The following ARMCX5 variants were observed in gnomAD, a reference collection of about 807,000 sequenced individuals.
The protein encoded by ARMCX5 is armadillo repeat-containing X-linked protein 5.
A neutral mutation model predicts 7.5 loss-of-function variants in ARMCX5; 1 was observed. The ratio of observed to expected loss-of-function variants is 0.13; its 90% confidence interval spans 0.05 to 0.63. The LOEUF is 0.63. ARMCX5 is among the 30% of genes least tolerant of loss of function. ARMCX5 has a pLI of 0.86. For missense variants in ARMCX5, 346 were observed against 402.2 expected, an observed-to-expected ratio of 0.86 and a Z score of 1.19; for synonymous variants, 149 against 145.7, an observed-to-expected ratio of 1.02 and a Z score of -0.16.
rs201641747 is a variant in ARMCX5, at chrX:102,602,630, T to G, written c.489T>G (p.Ser163Arg). Reference protein sequence around the residue: ...REETSIGMKSSDEDEENICSW... With the variant: ...REETSIGMKSRDEDEENICSW... ...AGACCAGCATTGGGATGAAATCCAG[T>G]GATGAGGATGAAGAAAATATATGCT... Residue 163 changes from serine (S) to arginine (R), a missense_variant, in exon 4 of 4, where the codon AGT becomes AGG. By Grantham distance (110) the Ser-to-Arg change is moderately radical. This residue lies in a region of ARMCX5 where 204 missense variants were observed against 244.3 expected (regional missense o/e 0.83). Transcript: ENST00000473968. 3.5e-4 allele frequency: 427 copies of G among 1,208,158 alleles called. No homozygotes were observed. The highest frequency in any genetic ancestry group is 4.6e-4 in the Non-Finnish European group (409 of 894,068).
Position 102,602,073 on chromosome X carries a change from G to C in ARMCX5, c.-69G>C. The C allele has an allele frequency of 1.0e-6, 1 of 970,452 alleles. No homozygotes were observed. The highest frequency in any genetic ancestry group is 2.8e-5 in the Admixed American group (1 of 36,042). 80.0% of individuals were successfully genotyped at this position (970,452 alleles called of 1,213,427 possible). A position where few individuals can be genotyped will look rare whatever the true frequency, so the allele number is the denominator to read the frequency against. On this transcript the variant is annotated 5_prime_UTR_variant, in exon 4 of 4. Coordinates refer to ENST00000473968, the MANE Select transcript of ARMCX5 (RefSeq NM_001168478.2). ...TGGACTTTGTGTGAAAACACCAACC[G>C]GGACAAAACTTCAGTCAAGGCTGAG...
rs1402782902 is a variant in ARMCX5, at chrX:102,603,784, G to A, written c.1643G>A (p.Arg548Lys). 9.3e-6 allele frequency: 11 copies of A among 1,185,430 alleles called. No homozygotes were observed. The highest frequency in any genetic ancestry group is 1.2e-5 in the Non-Finnish European group (11 of 883,108). ...DLAEHSDPEV[R>K]DKVIRLILKL ...GCAGAGCACAGTGATCCCGAAGTGAGAGATAAAGTCATACGATTAATACTA... is the reference window on the plus strand; with the variant it reads ...GCAGAGCACAGTGATCCCGAAGTGAAAGATAAAGTCATACGATTAATACTA... Residue 548 changes from arginine (R) to lysine (K), a missense_variant, in exon 4 of 4, where the codon AGA becomes AAA. Around this residue, in one of 3 missense-constraint regions of ARMCX5, gnomAD observed 139 missense variants for 141.1 expected, o/e 0.99. Transcript: ENST00000473968.
rs1048254722 is a variant in ARMCX5, at chrX:102,599,664, A to G, written c.-605A>G. On this transcript the variant is annotated 5_prime_UTR_variant, in exon 1 of 4. Transcript: ENST00000473968. ...TACCAAAAGTGACAACAGTTTGCCAATCGCAGTCTTTAATCTGATAAAGCG... is the reference window on the plus strand; with the variant it reads ...TACCAAAAGTGACAACAGTTTGCCAGTCGCAGTCTTTAATCTGATAAAGCG... 2 of 109,519 alleles carry G rather than the reference A, an allele frequency of 1.8e-5. No homozygotes were observed. Among genetic ancestry groups the G allele is most frequent in the Non-Finnish European group, 3.8e-5 (2 of 52,711 alleles). 9.0% of individuals were successfully genotyped at this position (109,519 alleles called of 1,213,427 possible).
In ARMCX5 at chrX:102,602,023, G is replaced by A; in HGVS notation, c.-119G>A. The A allele has an allele frequency of 1.7e-6, 1 of 597,780 alleles. No individual in the cohort carries two copies. The highest frequency in any genetic ancestry group is 2.7e-6 in the Non-Finnish European group (1 of 371,446). The allele number at this position is 597,780 out of a possible 1,213,427, so 49.3% of individuals were successfully genotyped here. A position where few individuals can be genotyped will look rare whatever the true frequency, so the allele number is the denominator to read the frequency against. ...TTCTATATCACTGGCAGAGCCTGTA[G>A]TTGGAAAGGGGACAGAGTGACTACT... On this transcript the variant is annotated 5_prime_UTR_variant, in exon 4 of 4. Coordinates refer to ENST00000473968, the MANE Select transcript of ARMCX5 (RefSeq NM_001168478.2).
At position 102,603,553 on chromosome X, in the gene ARMCX5, G is replaced by A; in HGVS notation, c.1412G>A (p.Ser471Asn). ...KNHANTRELI[S>N]AKVLSSLVAP... ...CACGCCAATACAAGAGAATTGATCA[G>A]TGCCAAAGTACTGTCATCATTGGTT... Residue 471 changes from serine (S) to asparagine (N), a missense_variant, in exon 4 of 4, where the codon AGT becomes AAT. This residue lies in a region of ARMCX5 where 139 missense variants were observed against 141.1 expected (regional missense o/e 0.99). Coordinates refer to ENST00000473968, the MANE Select transcript of ARMCX5 (RefSeq NM_001168478.2). 2.5e-6 allele frequency: 3 copies of A among 1,204,419 alleles called. No homozygotes were observed. The highest frequency in any genetic ancestry group is 3.4e-6 in the Non-Finnish European group (3 of 888,890).
upstream of ARMCX5, chrX:102,599,220 G>A (rs1225436454): frequency 9.0e-6 from 1 of 110,775 alleles, no homozygotes; most frequent in Non-Finnish European, 1.9e-5. Context: ...GAGATTTCCT[G>A]ACACCACAGC....
At position 102,599,866 on chromosome X, in the gene ARMCX5, A is replaced by G. The variant is rs915452315; in HGVS notation, c.-422+19A>G. 9.5e-6 allele frequency: 1 copy of G among 105,494 alleles called. No homozygotes were observed. Among genetic ancestry groups the G allele is most frequent in the Non-Finnish European group, 1.9e-5 (1 of 51,748 alleles). The allele number at this position is 105,494 out of a possible 1,213,427, so 8.7% of individuals were successfully genotyped here. On this transcript the variant is annotated intron_variant, in intron 1 of 3. Coordinates refer to ENST00000473968, the MANE Select transcript of ARMCX5 (RefSeq NM_001168478.2). Reference sequence around the variant, plus strand: ...AGAGAAGGTCAGTGAGAAGGTGCGCATCGCTTGGGGGTGGATGTGGGTATC... The same window carrying G: ...AGAGAAGGTCAGTGAGAAGGTGCGCGTCGCTTGGGGGTGGATGTGGGTATC...
Position 102,603,487 on chromosome X carries a change from A to G in ARMCX5, c.1346A>G (p.Lys449Arg). The change falls in exon 4 of 4, where the codon AAG (lysine) becomes AGG (arginine). Residue 449 changes from lysine (K) to arginine (R), a missense_variant. Lys to Arg is a conservative substitution (Grantham distance 26, BLOSUM62 2). This residue lies in a region of ARMCX5 where 139 missense variants were observed against 141.1 expected (regional missense o/e 0.99). Transcript: ENST00000473968. ...TTAAACAAGGGAAGTGTCAAAACCA[A>G]GTTTTATGTTTTAAAAGTGTTTTCG... ...TLLNKGSVKT[K>R]FYVLKVFSCL... is the part of the protein sequence containing the mutation. 8.3e-7 allele frequency: 1 copy of G among 1,209,728 alleles called. No individual in the cohort carries two copies. The highest frequency in any genetic ancestry group is 1.1e-6 in the Non-Finnish European group (1 of 893,801).
rs2081030428 is a variant in ARMCX5 at position 102,600,910 on chromosome X, A to G, written c.-421-10A>G. ...CATTTATTGGTCTCTGTTTTTGTGA[A>G]TCCCTGTAGGTAGATCTGTCCCCAG... is the stretch of plus-strand genomic sequence containing the variant. On this transcript the variant is annotated splice_polypyrimidine_tract_variant and intron_variant, in intron 1 of 3. Transcript: ENST00000473968. The G allele has an allele frequency of 1.8e-5, 2 of 111,899 alleles. No individual in the cohort carries two copies. Among genetic ancestry groups the G allele is most frequent in the African/African-American group, 3.3e-5 (1 of 30,758 alleles). 9.2% of individuals were successfully genotyped at this position (111,899 alleles called of 1,213,427 possible). A position where few individuals can be genotyped will look rare whatever the true frequency, so the allele number is the denominator to read the frequency against.
Position 102,599,561 on chromosome X carries a change from G to A in ARMCX5, c.-708G>A, listed in dbSNP as rs1421829408. The A allele has an allele frequency of 9.1e-6, 1 of 110,349 alleles. No homozygotes were observed. Among genetic ancestry groups the A allele is most frequent in the Non-Finnish European group, 1.9e-5 (1 of 52,887 alleles). 9.1% of individuals were successfully genotyped at this position (110,349 alleles called of 1,213,427 possible). On this transcript the variant is annotated 5_prime_UTR_variant, in exon 1 of 4. Coordinates refer to ENST00000473968, the MANE Select transcript of ARMCX5 (RefSeq NM_001168478.2). ...ACGCGGACGTGGAAGAACCTCGTCT[G>A]CGGAGGAAAAGGTAGATGTTAAATG...
chrX:102,603,198 A>G lies in ARMCX5; in HGVS notation c.1057A>G (p.Ile353Val), dbSNP rs2081064019. The change falls in exon 4 of 4, where the codon ATT becomes GTT. Residue 353 changes from isoleucine (I) to valine (V), a missense_variant. By Grantham distance (29) the Ile-to-Val change is conservative. Around this residue, in one of 3 missense-constraint regions of ARMCX5, gnomAD observed 3 missense variants for 16.7 expected, o/e 0.18. Transcript: ENST00000473968. ...TCAAGATATAATTCATGATGTAGGT[A>G]TTACTGTTATGATTGAAAACTTGGT... ...FTQDIIHDVG[I>V]TVMIENLVNN... 8.3e-7 allele frequency: 1 copy of G among 1,208,803 alleles called. No homozygotes were observed. Among genetic ancestry groups the G allele is most frequent in the Non-Finnish European group, 1.1e-6 (1 of 892,966 alleles).
chrX:102,599,979 A>T (rs1278226979), intron 1 of ARMCX5, 132 bp downstream of exon 1: 2 of 104,690 alleles, frequency 1.9e-5, no homozygotes, highest in African/African-American at 3.5e-5. Context: ...GCACACAACA[A>T]TTAAAAAAAA....
rs1031641387 is a variant in ARMCX5, at chrX:102,599,835, C to G, written c.-434C>G. 9.5e-6 allele frequency: 1 copy of G among 104,801 alleles called. No individual in the cohort carries two copies. The highest frequency in any genetic ancestry group is 1.9e-5 in the Non-Finnish European group (1 of 51,507). The allele number at this position is 104,801 out of a possible 1,213,427, so 8.6% of individuals were successfully genotyped here. ...AGGAAATAAGAAAACTGCCTCTGAT[C>G]CAAGCAGAGAAGGTCAGTGAGAAGG... is the stretch of plus-strand genomic sequence containing the variant. On this transcript the variant is annotated 5_prime_UTR_variant, in exon 1 of 4. The change creates a new upstream start codon in the 5' untranslated region. Coordinates refer to ENST00000473968, the MANE Select transcript of ARMCX5 (RefSeq NM_001168478.2).
In ARMCX5 at chrX:102,603,003, A is replaced by C. The variant is rs1042668053; in HGVS notation, c.862A>C (p.Arg288=). 2.5e-6 allele frequency: 3 copies of C among 1,211,526 alleles called. No individual in the cohort carries two copies. Among genetic ancestry groups the C allele is most frequent in the Non-Finnish European group, 3.4e-6 (3 of 895,395 alleles). ...TGAGATCAAAAAACAGATTAGGCAAAGGGAAAAGTATGGGCCTAATCCGAA... is the reference window on the plus strand; with the variant it reads ...TGAGATCAAAAAACAGATTAGGCAACGGGAAAAGTATGGGCCTAATCCGAA... The part of the protein sequence containing the change: ...LAEIKKQIRQ[R]EKYGPNPKAC... Residue 288 remains arginine (R), a synonymous_variant, in exon 4 of 4, where the codon AGG becomes CGG. Coordinates refer to ENST00000473968, the MANE Select transcript of ARMCX5 (RefSeq NM_001168478.2).
rs1243306706 is a variant in ARMCX5 at position 102,599,598 on chromosome X, C to G, written c.-671C>G. The G allele has an allele frequency of 9.1e-6, 1 of 109,772 alleles. No homozygotes were observed. The highest frequency in any genetic ancestry group is 3.3e-5 in the African/African-American group (1 of 30,071). 9.0% of individuals were successfully genotyped at this position (109,772 alleles called of 1,213,427 possible). On this transcript the variant is annotated 5_prime_UTR_variant, in exon 1 of 4. Transcript: ENST00000473968. The stretch of plus-strand genomic sequence containing the variant: ...GTAGATGTTAAATGGTAACTACGCG[C>G]GAGGTTCTGAGGAGCCCTGGGAACA...
In ARMCX5 at chrX:102,603,704, G is replaced by A. The variant is rs1177811474; in HGVS notation, c.1563G>A (p.Glu521=). 1 of 1,205,101 alleles carries A rather than the reference G, an allele frequency of 8.3e-7. No homozygotes were observed. The highest frequency in any genetic ancestry group is 1.8e-5 in the South Asian group (1 of 56,348). Reference sequence around the variant, plus strand: ...CCAAGGAAAAGTTCACTAAATCTGAGCTTATTTCAATATTCCAGGAAGCAA... The same window carrying A: ...CCAAGGAAAAGTTCACTAAATCTGAACTTATTTCAATATTCCAGGAAGCAA... The part of the protein sequence containing the change: ...LFTKEKFTKS[E]LISIFQEAKQ... The change falls in exon 4 of 4, where the codon GAG becomes GAA. Residue 521 remains glutamate (E), a synonymous_variant. Coordinates refer to ENST00000473968, the MANE Select transcript of ARMCX5 (RefSeq NM_001168478.2).
rs1298666212 is a variant in ARMCX5 at position 102,602,406 on chromosome X, A to G, written c.265A>G (p.Met89Val). 2.5e-6 allele frequency: 3 copies of G among 1,211,757 alleles called. No homozygotes were observed. The highest frequency in any genetic ancestry group is 2.2e-6 in the Non-Finnish European group (2 of 895,233). Residue 89 changes from methionine (M) to valine (V), a missense_variant, in exon 4 of 4, where the codon ATG becomes GTG. Met to Val is a conservative substitution (Grantham distance 21, BLOSUM62 1). This residue lies in a region of ARMCX5 where 204 missense variants were observed against 244.3 expected (regional missense o/e 0.83). Transcript: ENST00000473968. ...KVEDTTKTRV[M>V]VETKTKPLAE... ...GGAAGATACAACTAAGACTAGAGTC[A>G]TGGTTGAGACTAAGACAAAACCCCT... is the stretch of plus-strand genomic sequence containing the variant.
chrX:102,603,379 G>A lies in ARMCX5; in HGVS notation c.1238G>A (p.Gly413Glu), dbSNP rs781008940. The A allele has an allele frequency of 7.4e-6, 9 of 1,208,802 alleles. No homozygotes were observed. In the African/African-American group the frequency reaches 8.8e-5, roughly 12 times the overall value. Residue 413 changes from glycine (G) to glutamate (E), a missense_variant, in exon 4 of 4, where the codon GGA becomes GAA. Coordinates refer to ENST00000473968, the MANE Select transcript of ARMCX5 (RefSeq NM_001168478.2). ...CPLNSPVQLA[G>E]LKLLGHLSIK... Reference sequence around the variant, plus strand: ...TTGAACTCCCCTGTGCAGCTGGCTGGACTGAAATTACTAGGGCACTTGAGT... The same window carrying A: ...TTGAACTCCCCTGTGCAGCTGGCTGAACTGAAATTACTAGGGCACTTGAGT...
Position 102,603,135 on chromosome X carries a change from A to G in ARMCX5, c.994A>G (p.Thr332Ala), listed in dbSNP as rs2081062856. ...TKDPFIHEIA[T>A]MIMGISPAYP... ...GGATCCTTTCATTCATGAAATAGCT[A>G]CAATGATAATGGGCATCAGTCCTGC... The change falls in exon 4 of 4, where the codon ACA becomes GCA. Residue 332 changes from threonine (T) to alanine (A), a missense_variant. Physicochemically the swap from Thr to Ala is moderately conservative, Grantham distance 58. Transcript: ENST00000473968. The G allele has an allele frequency of 9.9e-6, 12 of 1,208,733 alleles. No individual in the cohort carries two copies. Among genetic ancestry groups the G allele is most frequent in the Admixed American group, 4.4e-5 (2 of 45,787 alleles).
Sources: allele counts gnomAD v4.1 joint callset, GRCh38; gene constraint gnomAD v4.1.1; regional missense constraint gnomAD v4.1.1; transcripts MANE v1.5; gene names NCBI Gene and HGNC (gene_info 2026-07-23, HGNC 2026-07-21).